The following CHSY1 variants were observed in gnomAD, a reference collection of about 807,000 sequenced individuals.
CHSY1 encodes the protein chondroitin sulfate synthase 1.
In CHSY1, 13 loss-of-function variants were observed where a neutral mutation model predicts 59.8. The ratio of observed to expected loss-of-function variants is 0.22; its 90% CI spans 0.14 to 0.35. The LOEUF is 0.35. Ranked by LOEUF, CHSY1 falls within the 10% of genes least tolerant of loss-of-function variation. The pLI is 1.00. For synonymous variants in CHSY1, 459 were observed against 401.2 expected, an observed-to-expected ratio of 1.14 and a Z score of -1.72; for missense variants, 947 against 1,030.6, an observed-to-expected ratio of 0.92 and a Z score of 1.11.
chr15:101,176,772 G>T lies in CHSY1; in HGVS notation c.*616C>A, dbSNP rs1463944187. The T allele has an allele frequency of 5.2e-6, 1 of 191,686 alleles. No individual in the cohort carries two copies. The highest frequency in any genetic ancestry group is 1.2e-4 in the East Asian group (1 of 8,284). 11.9% of individuals were successfully genotyped at this position (191,686 alleles called of 1,614,324 possible). On this transcript the variant is annotated 3_prime_UTR_variant, in exon 3 of 3. Transcript: ENST00000254190. ...GATTGCGCCACTGCATTCCAGCCTG[G>T]GTAACAGAGTGAGACTCCGTCTCAA...
At chr15:101,187,395 C>T (rs1232867570) in intron 2 of CHSY1, 4 of 152,230 alleles carry the variant, frequency 2.6e-5, no homozygotes, top group Admixed American at 2.6e-4. Context: ...GGGAGAATCG[C>T]TTGAACCTGG....
chr15:101,198,544 C>T (rs774705386), intron 2 of CHSY1, among the ~76,000 whole-genome samples: 4 of 152,180 alleles, frequency 2.6e-5, no homozygotes, highest in Admixed American at 6.5e-5. Context: ...TTCTACTTTC[C>T]GAGTGGCATT....
intron 1 of CHSY1, among the ~76,000 whole-genome samples, chr15:101,236,242 G>A (rs1364671464): frequency 6.6e-6 from 1 of 152,126 alleles, no homozygotes; most frequent in East Asian, 1.9e-4. Context: ...AGGCTGATAC[G>A]GTTTGGCTGT....
chr15:101,180,263 G>A (rs1232832073), intron 2 of CHSY1, among the ~76,000 whole-genome samples: 1 of 152,210 alleles, frequency 6.6e-6, no homozygotes, highest in East Asian at 1.9e-4. Flanking sequence ...TCTGATGAGG[G>A]CTAACCTCTA....
intron 2 of CHSY1, among the ~76,000 whole-genome samples, chr15:101,208,324 G>A (rs2141258888): frequency 6.6e-6 from 1 of 152,236 alleles, no homozygotes; most frequent in Non-Finnish European, 1.5e-5. Context: ...TCGAGAGATG[G>A]CAGACTGCAA....
chr15:101,202,636 G>A (rs891141727), intron 2 of CHSY1, among the ~76,000 whole-genome samples: 3 of 152,116 alleles, frequency 2.0e-5, no homozygotes, highest in Non-Finnish European at 4.4e-5. Flanking sequence ...AGCAGAGGCT[G>A]CAGGGGAGGA....
chr15:101,180,657 A>G (rs1454517618), intron 2 of CHSY1, among the ~76,000 whole-genome samples: 1 of 152,226 alleles, frequency 6.6e-6, no homozygotes, highest in Admixed American at 6.5e-5. Flanking sequence ...AATAAACTGA[A>G]GCAAAGAAGT....
At chr15:101,208,261 C>T (rs1355560677) in intron 2 of CHSY1, among the ~76,000 whole-genome samples, 1 of 152,186 alleles carries the variant, frequency 6.6e-6, no homozygotes, top group African/African-American at 2.4e-5. Flanking sequence ...AGCACACCCA[C>T]AGTCTAGATC....
rs538198585 is a variant in CHSY1 at position 101,176,347 on chromosome 15, C to T, written c.*1041G>A. 1 of 398,600 alleles carries T rather than the reference C, an allele frequency of 2.5e-6. No homozygotes were observed. Among genetic ancestry groups the T allele is most frequent in the South Asian group, 1.3e-4 (1 of 7,864 alleles). 24.7% of individuals were successfully genotyped at this position (398,600 alleles called of 1,614,324 possible). On this transcript the variant is annotated 3_prime_UTR_variant, in exon 3 of 3. Coordinates refer to ENST00000254190, the MANE Select transcript of CHSY1 (RefSeq NM_014918.5). ...AAGGAACAAAACCAAATACATTTTT[C>T]CCCAACGTTTTGATTAGGGTGTATG...
chr15:101,226,022 T>G (rs959354083), intron 2 of CHSY1, among the ~76,000 whole-genome samples: 1 of 152,220 alleles, frequency 6.6e-6, no homozygotes, highest in Non-Finnish European at 1.5e-5. Context: ...TGGAGAAGGT[T>G]TGTTTTGCCA....
At chr15:101,236,368 G>A (rs2038942584) in intron 1 of CHSY1, among the ~76,000 whole-genome samples, 1 of 152,202 alleles carries the variant, frequency 6.6e-6, no homozygotes, top group East Asian at 1.9e-4. Context: ...CTGTTCTCAT[G>A]GTCAGGAGTG....
intron 2 of CHSY1, among the ~76,000 whole-genome samples, chr15:101,233,737 T>G (rs766640463): frequency 6.6e-6 from 1 of 152,188 alleles, no homozygotes; most frequent in Non-Finnish European, 1.5e-5. Context: ...AATTAAAAAT[T>G]ACATGGCCAC....
intron 2 of CHSY1, among the ~76,000 whole-genome samples, chr15:101,185,550 T>C (rs1268028188): frequency 1.3e-5 from 2 of 152,008 alleles, no homozygotes; most frequent in Admixed American, 6.6e-5. Context: ...TGGAGCACCC[T>C]CCATCCCCCT....
At chr15:101,200,496 G>A (rs2038562397) in intron 2 of CHSY1, among the ~76,000 whole-genome samples, 1 of 152,118 alleles carries the variant, frequency 6.6e-6, no homozygotes, top group Non-Finnish European at 1.5e-5. Context: ...ACAATTCAGG[G>A]CAAACTAACA....
chr15:101,205,042 A>C (rs543075077), intron 2 of CHSY1, among the ~76,000 whole-genome samples: 1 of 152,252 alleles, frequency 6.6e-6, no homozygotes, highest in African/African-American at 2.4e-5. Context: ...ACAGATTTCT[A>C]AACAGCTCTT....
chr15:101,191,592 T>C (rs2038445979), intron 2 of CHSY1, among the ~76,000 whole-genome samples: 1 of 152,230 alleles, frequency 6.6e-6, no homozygotes. Flanking sequence ...TATGTCACTG[T>C]AGGTTCACCA....
intron 1 of CHSY1, among the ~76,000 whole-genome samples, chr15:101,246,891 G>T (rs1430721952): frequency 6.6e-6 from 1 of 152,126 alleles, no homozygotes; most frequent in African/African-American, 2.4e-5. Context: ...TTAAATATGG[G>T]AAAAATACGA....
intron 2 of CHSY1, among the ~76,000 whole-genome samples, chr15:101,205,144 T>G (rs1250306208): frequency 6.6e-6 from 1 of 151,466 alleles, no homozygotes; most frequent in Admixed American, 6.6e-5. Context: ...ATATTTTATC[T>G]TTTTTTTTCT....
chr15:101,182,374 T>C (rs1000554542), intron 2 of CHSY1, among the ~76,000 whole-genome samples: 1 of 152,174 alleles, frequency 6.6e-6, no homozygotes, highest in South Asian at 2.1e-4. Context: ...CAAGCCTACA[T>C]TTGCACCAGC....
Sources: gnomAD v4.1 joint callset for allele counts (sites outside exome capture counted in the v4.1 genomes callset) on GRCh38, gnomAD v4.1.1 for gene constraint, MANE v1.5 for transcripts, NCBI Gene and HGNC (gene_info 2026-07-23, HGNC 2026-07-21) for gene names.